Variants in HDAC7 observed in about 807,000 individuals in gnomAD.
HDAC7 encodes histone deacetylase 7A.
Under a neutral mutation model 115.5 loss-of-function variants are expected in HDAC7, and 26 were observed. That is an observed-to-expected ratio of 0.23 (90% CI 0.16 to 0.31). The LOEUF (loss-of-function observed/expected upper bound fraction) is 0.31, where lower values mean the gene tolerates loss of function less well. Among genes scored for constraint, HDAC7 ranks in the 10% least tolerant of loss-of-function variants. HDAC7 has a pLI of 1.00. For synonymous variants in HDAC7, 564 were observed against 550.9 expected (o/e 1.02, Z -0.33); for missense variants, 1,068 against 1,329.0 (o/e 0.80, Z 3.05).
chr12:47,784,620 C>G (rs1271816691), intron 24 of HDAC7: 2 of 1,168,606 alleles, frequency 1.7e-6, no homozygotes, highest in African/African-American at 1.5e-5. Context: ...AAACACAGCC[C>G]CCACCAGTGC....
At chr12:47,806,798 T>C (rs1944424881) in intron 1 of HDAC7, among the ~76,000 whole-genome samples, 1 of 152,188 alleles carries the variant, frequency 6.6e-6, no homozygotes, top group Non-Finnish European at 1.5e-5. Flanking sequence ...TCCCTTGTGG[T>C]AGCGAGTATT....
chr12:47,791,807 C>CCCCCCCCCCCCCCCCAA, intron 14 of HDAC7, 64 bp downstream of exon 14: 2 of 1,532,678 alleles, frequency 1.3e-6, no homozygotes, highest in Non-Finnish European at 1.8e-6. Context: ...CAGGGCCCCC[C>CCCCCCCCCCCCCCCCAA]ACCCCTCCCC....
Position 47,783,680 on chromosome 12 carries a change from C to T in HDAC7, c.*161G>A, listed in dbSNP as rs1365662979. 1 of 752,582 alleles carries T rather than the reference C, an allele frequency of 1.3e-6. No homozygotes were observed. Among genetic ancestry groups the T allele is most frequent in the Admixed American group, 2.2e-5 (1 of 45,124 alleles). The allele number at this position is 752,582 out of a possible 1,614,324, so 46.6% of individuals were successfully genotyped here. A position where few individuals can be genotyped will look rare whatever the true frequency, so the allele number is the denominator to read the frequency against. On this transcript the variant is annotated 3_prime_UTR_variant, in exon 26 of 26. Coordinates refer to ENST00000080059, the MANE Select transcript of HDAC7 (RefSeq NM_015401.5). ...TTCCCATTCTAGACCCAGGGATTTT[C>T]TCACGCTCCCTGGGATAACTGTCAA... is the stretch of plus-strand genomic sequence containing the variant.
rs1470465242 is a variant in HDAC7, at chr12:47,795,563, T to C, written c.1087+24A>G. ...AGCAGGGTGCAGGGACCCAGCCCCT[T>C]CCCTGAAGAAGCAGCAGACTCACCA... On this transcript the variant is annotated intron_variant, in intron 10 of 25. Transcript: ENST00000080059. This position sits in a 1 kb window ranked among gnomAD's most constrained non-coding sequence, Gnocchi z 4.3. 4.5e-6 allele frequency: 7 copies of C among 1,551,152 alleles called. No individual in the cohort carries two copies. The highest frequency in any genetic ancestry group is 6.1e-6 in the Non-Finnish European group (7 of 1,148,060).
intron 13 of HDAC7, chr12:47,792,234 A>C: frequency 1.8e-6 from 1 of 565,236 alleles, no homozygotes. Flanking sequence ...CAGCCAACAC[A>C]TCAACACAGC....
chr12:47,790,921 C>T (rs1465425543), intron 16 of HDAC7: 1 of 419,650 alleles, frequency 2.4e-6, no homozygotes, highest in South Asian at 2.7e-5. Context: ...GACAGAGCAG[C>T]CTGGCGGCCA....
rs111589710 is a variant in HDAC7, at chr12:47,810,446, G to A, written c.20-8172C>T. ...GGTGAGACCACCAAGGGGACAAGGGGATGCAAGACACAGTGAGGCCCTAGG... is the reference window on the plus strand; with the variant it reads ...GGTGAGACCACCAAGGGGACAAGGGAATGCAAGACACAGTGAGGCCCTAGG... On this transcript the variant is annotated intron_variant, in intron 1 of 25. Coordinates refer to ENST00000080059, the MANE Select transcript of HDAC7 (RefSeq NM_015401.5). 4.8e-3 allele frequency among the ~76,000 whole-genome samples: 730 copies of A among 152,262 alleles called. 4 individuals carry two copies. Among genetic ancestry groups the A allele is most frequent in the African/African-American group, 0.016 (682 of 41,546 alleles).
chr12:47,816,016 C>A (rs1343690615), intron 1 of HDAC7, among the ~76,000 whole-genome samples: 1 of 151,850 alleles, frequency 6.6e-6, no homozygotes, highest in East Asian at 1.9e-4. Context: ...CTCAGCCTCC[C>A]GAGTAGCTGG....
At position 47,791,588 on chromosome 12, in the gene HDAC7, G is replaced by A; in HGVS notation, c.1931C>T (p.Ala644Val). ...AGACAGGGCCACTAGGCCATTACCTGCCAGCTTCCCGTTGTCCAGTTTGAG... is the reference window on the plus strand; with the variant it reads ...AGACAGGGCCACTAGGCCATTACCTACCAGCTTCCCGTTGTCCAGTTTGAG... ...SRLKLDNGKL[A>V]GLLAQRMFVM... Residue 644 changes from alanine to valine, a missense_variant and splice_region_variant, in exon 15 of 26, where the codon GCA becomes GTA. By Grantham distance (64) the Ala-to-Val change is moderately conservative. Coordinates refer to ENST00000080059, the MANE Select transcript of HDAC7 (RefSeq NM_015401.5). 1 of 1,606,232 alleles carries A rather than the reference G, an allele frequency of 6.2e-7. No homozygotes were observed. The highest frequency in any genetic ancestry group is 8.5e-7 in the Non-Finnish European group (1 of 1,176,326).
chr12:47,784,593 G>A, intron 24 of HDAC7: 12 of 875,202 alleles, frequency 1.4e-5, no homozygotes, highest in Non-Finnish European at 2.1e-5. Context: ...AGAGCCCCAA[G>A]CTCGGGCCTC....
intron 7 of HDAC7, 59 bp from the exon 8 acceptor site, chr12:47,796,357 G>A: frequency 1.5e-6 from 2 of 1,306,330 alleles, no homozygotes; most frequent in Non-Finnish European, 2.1e-6. Flanking sequence ...GGAGGGTACA[G>A]CCAGGCCGCC....
chr12:47,785,453 C>T lies in HDAC7; in HGVS notation c.2725G>A (p.Glu909Lys). Residue 909 changes from glutamate to lysine, a missense_variant, in exon 24 of 26, where the codon GAA becomes AAA. Physicochemically the swap from Glu to Lys is moderately conservative, Grantham distance 56 (BLOSUM62 1). Coordinates refer to ENST00000080059, the MANE Select transcript of HDAC7 (RefSeq NM_015401.5). ...AGGTTGGGTTTCTGTTTCCAGCCTTCTTCTGAAAGGGGATCCACCTATAGA... is the reference window on the plus strand; with the variant it reads ...AGGTTGGGTTTCTGTTTCCAGCCTTTTTCTGAAAGGGGATCCACCTATAGA... ...LGNRVDPLSE[E>K]GWKQKPNLNA... 1 of 1,613,046 alleles carries T rather than the reference C, an allele frequency of 6.2e-7. No individual in the cohort carries two copies. The highest frequency in any genetic ancestry group is 8.5e-7 in the Non-Finnish European group (1 of 1,179,518).
intron 1 of HDAC7, among the ~76,000 whole-genome samples, chr12:47,810,804 GTCTCTC>G (rs60132211): frequency 0.018 from 2,381 of 131,602 alleles, 31 homozygotes; most frequent in East Asian, 0.055. Flanking sequence ...GGAGGAAAAG[GTCTCTC>G]TCTCTCTCTC....
At chr12:47,791,117 G>A (rs564523184) in intron 16 of HDAC7, 142 bp downstream of exon 16, 2 of 776,144 alleles carry the variant, frequency 2.6e-6, no homozygotes, top group South Asian at 3.1e-5. Flanking sequence ...GCTGCAGGGG[G>A]CACCTCAGGA....
chr12:47,820,117 G>T (rs973203525), upstream of HDAC7: 1 of 151,086 alleles, frequency 6.6e-6, no homozygotes, highest in Non-Finnish European at 1.5e-5. This position sits in a 1 kb window ranked among gnomAD's most constrained non-coding sequence, Gnocchi z 4.3. Flanking sequence ...GATCGCGGCG[G>T]GGCGCGGCGC....
chr12:47,800,463 C>A (rs1944108358), intron 2 of HDAC7, among the ~76,000 whole-genome samples: 1 of 152,216 alleles, frequency 6.6e-6, no homozygotes, highest in African/African-American at 2.4e-5. Context: ...CCCGCCATGT[C>A]CCCCGAATAT....
At position 47,795,691 on chromosome 12, in the gene HDAC7, A is replaced by G; in HGVS notation, c.983T>C (p.Phe328Ser). The G allele has an allele frequency of 6.4e-7, 1 of 1,551,348 alleles. No individual in the cohort carries two copies. ...PILGSPHTPL[F>S]LPHGLEPEAG... ...CTCGGGCTCCAAGCCATGGGGCAGG[A>G]AGAGGGGAGTGTGGGGGCTCCCCAG... Residue 328 changes from phenylalanine (F) to serine (S), a missense_variant, in exon 10 of 26, where the codon TTC becomes TCC. By Grantham distance (155) the Phe-to-Ser change is radical. Around this residue, in one of 6 missense-constraint regions of HDAC7, gnomAD observed 618 missense variants for 701.5 expected, o/e 0.88. Transcript: ENST00000080059. The surrounding 1 kb of genome is among the most constrained non-coding windows in gnomAD (Gnocchi z 4.3).
rs1280325636 is a variant in HDAC7 at position 47,797,887 on chromosome 12, T to TGTGTGC, written c.461+220_461+221insGCACAC. Reference sequence around the variant, plus strand: ...GTGTGTGTGTGTGTGTGTGTGTGTGTGTGTGTGTGAGAAGGGCTCAGGTGG... The same window carrying TGTGTGC: ...GTGTGTGTGTGTGTGTGTGTGTGTGTGTGTGCGTGTGTGTGAGAAGGGCTCAGGTGG... On this transcript the variant is annotated intron_variant, in intron 5 of 25. Coordinates refer to ENST00000080059, the MANE Select transcript of HDAC7 (RefSeq NM_015401.5). This position sits in a 1 kb window ranked among gnomAD's most constrained non-coding sequence, Gnocchi z 5.5. Among the ~76,000 whole-genome samples, 1 of 149,590 alleles carries TGTGTGC rather than the reference T, an allele frequency of 6.7e-6. No homozygotes were observed.
In HDAC7 at chr12:47,795,534, T is replaced by G; in HGVS notation, c.1087+53A>C. On this transcript the variant is annotated intron_variant, in intron 10 of 25. Coordinates refer to ENST00000080059, the MANE Select transcript of HDAC7 (RefSeq NM_015401.5). The surrounding 1 kb of genome is among the most constrained non-coding windows in gnomAD (Gnocchi z 4.3). ...AGGATGGGTCCATCCCAAGCTTGGC[T>G]CTTAGCAGGGTGCAGGGACCCAGCC... 6.5e-7 allele frequency: 1 copy of G among 1,530,376 alleles called. No individual in the cohort carries two copies. The highest frequency in any genetic ancestry group is 2.4e-5 in the East Asian group (1 of 40,854). The allele number at this position is 1,530,376 out of a possible 1,614,324, so 94.8% of individuals were successfully genotyped here.
Sources: gnomAD v4.1 joint callset for allele counts (sites outside exome capture counted in the v4.1 genomes callset) on GRCh38, gnomAD v4.1.1 for gene constraint, gnomAD v4.1.1 regional missense constraint, Gnocchi (gnomAD v3.1) non-coding constraint, MANE v1.5 for transcripts, NCBI Gene and HGNC (gene_info 2026-07-23, HGNC 2026-07-21) for gene names.